The following CCDC171 variants were observed in gnomAD, a reference collection of about 807,000 sequenced individuals.
The protein encoded by CCDC171 is coiled-coil domain containing 171, also known as coiled-coil domain-containing protein 171.
CCDC171 carries 177 observed loss-of-function variants against 168.2 expected under a neutral mutation model. The ratio of observed to expected loss-of-function variants is 1.05; its 90% CI spans 0.93 to 1.19. The LOEUF is 1.19. Among genes scored for constraint, CCDC171 ranks in the 50% most tolerant of loss-of-function variants. The pLI is 0.00. For synonymous variants in CCDC171, 687 were observed against 540.8 expected (o/e 1.27, Z -3.75); for missense variants, 1,991 against 1,539.0 (o/e 1.29, Z -4.91).
intron 16 of CCDC171, among the ~76,000 whole-genome samples, chr9:15,742,015 A>T (rs1404684215): frequency 2.0e-5 from 3 of 151,746 alleles, no homozygotes; most frequent in Admixed American, 2.0e-4. Flanking sequence ...GTTCACTTTT[A>T]TTTTCACTTA....
chr9:15,742,707 G>A lies in CCDC171; in HGVS notation c.2050-1566G>A, dbSNP rs995978568. 6.6e-5 allele frequency among the ~76,000 whole-genome samples: 10 copies of A among 152,158 alleles called. No individual in the cohort carries two copies. In the South Asian group the frequency reaches 8.3e-4, roughly 13 times the overall value. Reference sequence around the variant, plus strand: ...TTTAAGTGCCCTTTTGTACTCCTCTGGCAACCTGGAATATCTCTATCATAG... The same window carrying A: ...TTTAAGTGCCCTTTTGTACTCCTCTAGCAACCTGGAATATCTCTATCATAG... On this transcript the variant is annotated intron_variant, in intron 16 of 25. Transcript: ENST00000380701.
intron 3 of CCDC171, among the ~76,000 whole-genome samples, chr9:15,982,507 C>G (rs751573492): frequency 2.0e-5 from 3 of 152,074 alleles, no homozygotes; most frequent in Non-Finnish European, 4.4e-5. Flanking sequence ...AAATCCCACT[C>G]CAAATTACTG....
intron 21 of CCDC171, among the ~76,000 whole-genome samples, chr9:15,826,775 T>G (rs1405185303): frequency 2.0e-5 from 3 of 152,216 alleles, no homozygotes; most frequent in Non-Finnish European, 4.4e-5. Flanking sequence ...GAACAGAGAC[T>G]AGCAGTCCCT....
At chr9:15,625,752 A>G (rs995894415) in intron 7 of CCDC171, among the ~76,000 whole-genome samples, 2 of 152,208 alleles carry the variant, frequency 1.3e-5, no homozygotes, top group Non-Finnish European at 2.9e-5. Flanking sequence ...AGGTAGCGTG[A>G]TGCCTCCAGC....
intron 10 of CCDC171, among the ~76,000 whole-genome samples, chr9:15,681,134 G>C (rs76656127): frequency 0.056 from 8,480 of 152,088 alleles, 278 homozygotes; most frequent in Middle Eastern, 0.1. Context: ...TTGTTTTCCT[G>C]TTGGGACCGT....
chr9:15,629,143 T>C (rs373042134), intron 7 of CCDC171, among the ~76,000 whole-genome samples: 7 of 152,250 alleles, frequency 4.6e-5, no homozygotes, highest in African/African-American at 1.7e-4. Context: ...TCCAAAGGAA[T>C]GCAGTTCCTC....
intron 24 of CCDC171, among the ~76,000 whole-genome samples, chr9:15,917,041 C>T (rs1251890866): frequency 1.3e-5 from 2 of 152,042 alleles, no homozygotes; most frequent in East Asian, 1.9e-4. Flanking sequence ...AATAAGGGAA[C>T]AGGATATGTC....
At chr9:16,095,338 A>G in the CCDC171 span, among the ~76,000 whole-genome samples, 4 of 152,160 alleles carry the variant, frequency 2.6e-5, no homozygotes, top group East Asian at 7.7e-4. Flanking sequence ...ATGTGGGTCA[A>G]ACTGCTCTGG....
intron 24 of CCDC171, among the ~76,000 whole-genome samples, chr9:15,902,613 G>C (rs1468507805): frequency 2.6e-5 from 4 of 152,132 alleles, no homozygotes; most frequent in African/African-American, 9.7e-5. Flanking sequence ...GAGCAATGCA[G>C]AAGATAGGTG....
chr9:16,035,695 G>C (rs1258792100), intron 7 of CCDC171, among the ~76,000 whole-genome samples: 1 of 152,144 alleles, frequency 6.6e-6, no homozygotes, highest in African/African-American at 2.4e-5. Context: ...CTGGCTCTCT[G>C]AACATTTTCT....
In CCDC171 at chr9:15,914,597, C is replaced by A. The variant is rs542870049; in HGVS notation, c.3601-5673C>A. On this transcript the variant is annotated intron_variant, in intron 24 of 25. Transcript: ENST00000380701. ...GCTTGCTGGGTTCCATGGGGGCGGTCTCTTCTGAGCAAGACCACTTGGCTC... is the reference window on the plus strand; with the variant it reads ...GCTTGCTGGGTTCCATGGGGGCGGTATCTTCTGAGCAAGACCACTTGGCTC... Among the ~76,000 whole-genome samples, 3 of 152,262 alleles carry A rather than the reference C, an allele frequency of 2.0e-5. No individual in the cohort carries two copies. In the East Asian group the frequency reaches 5.8e-4, roughly 30 times the overall value.
chr9:15,670,564 AC>A (rs1196084190), intron 9 of CCDC171, among the ~76,000 whole-genome samples: 1 of 151,960 alleles, frequency 6.6e-6, no homozygotes. Context: ...TTCAGTTTCT[AC>A]CTTTAAATAT....
chr9:16,059,654 A>G (rs1340595834), intron 1 of CCDC171, among the ~76,000 whole-genome samples: 2 of 149,766 alleles, frequency 1.3e-5, no homozygotes, highest in Non-Finnish European at 3.0e-5. Flanking sequence ...AGCTGGGACT[A>G]CAGGCGCCCG....
intron 3 of CCDC171, among the ~76,000 whole-genome samples, chr9:15,574,899 G>A (rs562001375): frequency 1.3e-5 from 2 of 152,300 alleles, no homozygotes; most frequent in Admixed American, 6.5e-5. Context: ...TTTATTAGTA[G>A]ACAGAGGGTA....
At chr9:15,737,869 G>T (rs1399357903) in intron 16 of CCDC171, among the ~76,000 whole-genome samples, 1 of 152,230 alleles carries the variant, frequency 6.6e-6, no homozygotes, top group East Asian at 1.9e-4. Context: ...CTGCCAAACT[G>T]TTTTTGAAAA....
intron 4 of CCDC171, chr9:15,587,531 G>T (rs2041656017): frequency 2.4e-6 from 1 of 416,722 alleles, no homozygotes; most frequent in Non-Finnish European, 4.9e-6. Context: ...AAATTGCCCA[G>T]TCTCAGGTAT....
chr9:15,834,880 A>G (rs2060375603), intron 21 of CCDC171, among the ~76,000 whole-genome samples: 1 of 152,210 alleles, frequency 6.6e-6, no homozygotes, highest in South Asian at 2.1e-4. Context: ...TTATTTTAGG[A>G]GTAAAATCAG....
intron 23 of CCDC171, among the ~76,000 whole-genome samples, chr9:15,860,856 A>G (rs1038169108): frequency 2.0e-5 from 3 of 150,684 alleles, no homozygotes; most frequent in African/African-American, 7.4e-5. Flanking sequence ...GAAGTCTCCT[A>G]CTATTATTGT....
exon 4 of CCDC171, chr9:16,020,742 C>A (rs1167832338): frequency 6.5e-6 from 1 of 154,308 alleles, no homozygotes; most frequent in Admixed American, 6.5e-5. Context: ...GGATTCAGGT[C>A]CCAGGTGGGA....
Sources: allele counts gnomAD v4.1 joint callset (sites outside exome capture counted in the v4.1 genomes callset), GRCh38; gene constraint gnomAD v4.1.1; transcripts MANE v1.5; gene names NCBI Gene and HGNC (gene_info 2026-07-23, HGNC 2026-07-21).